Variants in CADPS observed in about 807,000 individuals in gnomAD.
The protein encoded by CADPS is calcium-dependent secretion activator 1.
A neutral mutation model predicts 167.3 loss-of-function variants in CADPS; 57 were observed. The ratio of observed to expected loss-of-function variants is 0.34; its 90% CI spans 0.28 to 0.42. CADPS has a LOEUF of 0.42. Among genes scored for constraint, CADPS ranks in the 20% least tolerant of loss-of-function variants. CADPS has a pLI of 1.00. For synonymous variants in CADPS, 676 were observed against 635.3 expected (o/e 1.06, Z -0.96); for missense variants, 1,414 against 1,738.1 (o/e 0.81, Z 3.32).
rs2051258571 is a variant in CADPS at position 62,421,017 on chromosome 3, C to A, written c.3777+17087G>T. On this transcript the variant is annotated intron_variant, in intron 28 of 29. Transcript: ENST00000383710. This position sits in a 1 kb window ranked among gnomAD's most constrained non-coding sequence, Gnocchi z 4.7. ...GACCATTGTCCTTATACAAGATACA[C>A]ATTCAACATGCTGGGTGCCCTCGAC... 2.0e-5 allele frequency among the ~76,000 whole-genome samples: 3 copies of A among 152,220 alleles called. No homozygotes were observed. In the South Asian group the frequency reaches 6.2e-4, roughly 32 times the overall value.
intron 13 of CADPS, among the ~76,000 whole-genome samples, chr3:62,521,286 T>G (rs2070514022): frequency 6.6e-6 from 1 of 152,190 alleles, no homozygotes; most frequent in Non-Finnish European, 1.5e-5. Flanking sequence ...TCAGGGTTCC[T>G]GATTTCTCTT....
At chr3:62,612,518 G>C (rs1285979348) in intron 6 of CADPS, among the ~76,000 whole-genome samples, 3 of 152,144 alleles carry the variant, frequency 2.0e-5, no homozygotes, top group Non-Finnish European at 4.4e-5. Context: ...GCTAGTTCCA[G>C]GGTCTCACAG....
chr3:62,851,160 A>G (rs1269830781), intron 1 of CADPS, among the ~76,000 whole-genome samples: 1 of 134,568 alleles, frequency 7.4e-6, no homozygotes, highest in African/African-American at 2.7e-5. Context: ...TTTTGAGCCT[A>G]TGTGTGTCTC....
chr3:62,488,496 A>ATTTATTTT (rs142030984), intron 21 of CADPS, among the ~76,000 whole-genome samples: 13 of 147,844 alleles, frequency 8.8e-5, no homozygotes, highest in African/African-American at 1.3e-4. Flanking sequence ...TTATTTATTT[A>ATTTATTTT]TTATTATTAT....
At chr3:62,847,257 TTTTC>T (rs1170809208) in intron 1 of CADPS, among the ~76,000 whole-genome samples, 19 of 107,280 alleles carry the variant, frequency 1.8e-4, no homozygotes, top group South Asian at 3.0e-4. Flanking sequence ...CCCAGCAGCA[TTTTC>T]TTTTTTTTTT....
At chr3:62,415,216 C>G (rs1361315577) in intron 28 of CADPS, among the ~76,000 whole-genome samples, 1 of 151,854 alleles carries the variant, frequency 6.6e-6, no homozygotes, top group Admixed American at 6.6e-5. Flanking sequence ...ATGAATAAAT[C>G]TGCAAGTAGC....
chr3:62,588,445 C>G (rs2085171263), intron 7 of CADPS, among the ~76,000 whole-genome samples: 1 of 151,998 alleles, frequency 6.6e-6, no homozygotes, highest in Non-Finnish European at 1.5e-5. Context: ...AATGATTGGA[C>G]ACAGAGGGCC....
At chr3:62,684,322 C>T (rs1368280187) in intron 3 of CADPS, among the ~76,000 whole-genome samples, 4 of 152,042 alleles carry the variant, frequency 2.6e-5, no homozygotes, top group Non-Finnish European at 4.4e-5. Context: ...TTCCCCTTGA[C>T]ATATGTCCAT....
intron 7 of CADPS, among the ~76,000 whole-genome samples, chr3:62,590,497 C>T (rs942115362): frequency 6.6e-6 from 1 of 152,178 alleles, no homozygotes; most frequent in Non-Finnish European, 1.5e-5. Flanking sequence ...CCTTTCCTCC[C>T]ACTTTTCTGG....
chr3:62,561,215 A>G (rs1475527672), intron 9 of CADPS, among the ~76,000 whole-genome samples: 1 of 151,772 alleles, frequency 6.6e-6, no homozygotes, highest in Non-Finnish European at 1.5e-5. Flanking sequence ...CTCAGGTCAG[A>G]GTGGGCCTTA....
chr3:62,669,041 C>A (rs1451621424), intron 3 of CADPS, among the ~76,000 whole-genome samples: 4 of 152,172 alleles, frequency 2.6e-5, no homozygotes, highest in Non-Finnish European at 4.4e-5. Context: ...TATAATCAGT[C>A]TCTTTCCTGA....
At chr3:62,623,519 T>A (rs940085241) in intron 6 of CADPS, among the ~76,000 whole-genome samples, 2 of 152,216 alleles carry the variant, frequency 1.3e-5, no homozygotes, top group Non-Finnish European at 2.9e-5. Context: ...TACACCGGAA[T>A]GGATTTCTAT....
intron 3 of CADPS, among the ~76,000 whole-genome samples, chr3:62,662,676 C>G (rs558504189): frequency 6.6e-6 from 1 of 152,038 alleles, no homozygotes; most frequent in African/African-American, 2.4e-5. Flanking sequence ...CTAATGAGGA[C>G]CAATGCACAC....
rs544018737 is a variant in CADPS, at chr3:62,532,596, T to C, written c.2291+275A>G. ...AGGGCTTAATTACCAACCAGGGTTA[T>C]TGCTAGTAAATGGAAGAACTATGAT... On this transcript the variant is annotated intron_variant, in intron 13 of 29. Transcript: ENST00000383710. Among the ~76,000 whole-genome samples, 11 of 152,250 alleles carry C rather than the reference T, an allele frequency of 7.2e-5. No homozygotes were observed. The South Asian group carries it at 2.3e-3, about 32-fold the overall frequency.
intron 6 of CADPS, among the ~76,000 whole-genome samples, chr3:62,624,796 A>G (rs1164327182): frequency 6.6e-6 from 1 of 152,012 alleles, no homozygotes; most frequent in Non-Finnish European, 1.5e-5. Context: ...GGGTGTGTAG[A>G]TCAGGGTTAT....
intron 1 of CADPS, among the ~76,000 whole-genome samples, chr3:62,812,766 G>C (rs1048103544): frequency 5.3e-5 from 8 of 152,178 alleles, no homozygotes; most frequent in African/African-American, 1.4e-4. Flanking sequence ...AGTGGATTAT[G>C]CATCTCTCCA....
At chr3:62,798,505 A>G (rs1213467354) in intron 1 of CADPS, among the ~76,000 whole-genome samples, 1 of 152,100 alleles carries the variant, frequency 6.6e-6, no homozygotes, top group East Asian at 1.9e-4. Context: ...CTTTCTCCTC[A>G]GCTTGCAGAT....
chr3:62,737,487 CA>C (rs35701593), intron 3 of CADPS, among the ~76,000 whole-genome samples: 48,580 of 149,910 alleles, frequency 0.32, 8,526 homozygotes, highest in African/African-American at 0.47. Flanking sequence ...AAAAAAAAAG[CA>C]AAAAAAAGAA....
chr3:62,763,965 T>C (rs1251316372), intron 2 of CADPS, among the ~76,000 whole-genome samples: 2 of 152,242 alleles, frequency 1.3e-5, no homozygotes, highest in Non-Finnish European at 2.9e-5. Context: ...TAATGGTAAT[T>C]TCCAGAGACT....
Sources: allele counts gnomAD v4.1 joint callset (sites outside exome capture counted in the v4.1 genomes callset), GRCh38; gene constraint gnomAD v4.1.1; non-coding constraint Gnocchi (gnomAD v3.1); transcripts MANE v1.5; gene names NCBI Gene and HGNC (gene_info 2026-07-23, HGNC 2026-07-21).